DYNC2H1: variants seen among roughly 807,000 people sequenced by gnomAD.
DYNC2H1 encodes cytoplasmic dynein 2 heavy chain 1.
DYNC2H1 carries 410 observed loss-of-function variants against 570.0 expected under a neutral mutation model. The observed-to-expected ratio is 0.72, with a 90% confidence interval of 0.66 to 0.78. The LOEUF (loss-of-function observed/expected upper bound fraction) is 0.78. Ranked by LOEUF, DYNC2H1 falls within the 30% of genes least tolerant of loss-of-function variation. The probability of loss-of-function intolerance (pLI) is 0.00; values close to 1 mark genes in which losing one functional copy is unlikely to be tolerated. For synonymous variants in DYNC2H1, 1,688 were observed against 1,677.6 expected (o/e 1.01, Z -0.15); for missense variants, 4,865 against 5,046.4 (o/e 0.96, Z 1.09).
chr11:103,266,393 T>C (rs921844848), intron 70 of DYNC2H1, among the ~76,000 whole-genome samples: 3 of 152,058 alleles, frequency 2.0e-5, no homozygotes, highest in Admixed American at 6.5e-5. Flanking sequence ...GGTGGGTGCC[T>C]TCTCTGTGAC....
chr11:103,408,453 T>C (rs1942955234), intron 84 of DYNC2H1: 1 of 152,056 alleles, frequency 6.6e-6, no homozygotes, highest in African/African-American at 2.4e-5. Context: ...TTAAACCCTG[T>C]TCTCGGGTTG....
At chr11:103,406,528 G>A (rs1942870436) in intron 84 of DYNC2H1, 1 of 151,922 alleles carries the variant, frequency 6.6e-6, no homozygotes, top group Admixed American at 6.6e-5. Flanking sequence ...TGGGATTATA[G>A]GTGTTAACCA....
At chr11:103,171,101 A>T in intron 34 of DYNC2H1, 33 bp downstream of exon 34, 1 of 1,505,660 alleles carries the variant, frequency 6.6e-7, no homozygotes, top group Admixed American at 1.9e-5. Flanking sequence ...AAAGAATTAA[A>T]ATATTTTGTA....
At chr11:103,431,395 A>G (rs1035719229) in intron 84 of DYNC2H1, among the ~76,000 whole-genome samples, 1 of 152,014 alleles carries the variant, frequency 6.6e-6, no homozygotes, top group Non-Finnish European at 1.5e-5. Context: ...TGGTGCTGAT[A>G]TGGACTCTAG....
chr11:103,292,158 C>T (rs4291645), intron 75 of DYNC2H1, among the ~76,000 whole-genome samples: 20,818 of 145,416 alleles, frequency 0.14, 1,647 homozygotes, highest in Admixed American at 0.24. Context: ...TTCTTCTTCT[C>T]TTTTTTTTTT....
intron 17 of DYNC2H1, among the ~76,000 whole-genome samples, chr11:103,142,112 A>T (rs1318229204): frequency 6.6e-6 from 1 of 152,068 alleles, no homozygotes; most frequent in African/African-American, 2.4e-5. Flanking sequence ...GCCGTCTGTC[A>T]CCCCTTTCTT....
intron 82 of DYNC2H1, among the ~76,000 whole-genome samples, chr11:103,328,036 A>C (rs1339731293): frequency 6.6e-6 from 1 of 152,184 alleles, no homozygotes; most frequent in African/African-American, 2.4e-5. Context: ...TCCTGATTCA[A>C]CCCAGACTTC....
rs187436992 is a variant in DYNC2H1, at chr11:103,226,896, A to G, written c.9353+3810A>G. On this transcript the variant is annotated intron_variant, in intron 59 of 88. Coordinates refer to ENST00000375735, the MANE Select transcript of DYNC2H1 (RefSeq NM_001377.3). ...TTATTGGTCTGTTAAGAGGTTCTAT[A>G]TCTTCCTGGTTTAATCTAGGCGGGT... Among the ~76,000 whole-genome samples the G allele has an allele frequency of 3.2e-4, 49 of 152,212 alleles. 1 individual carries two copies. The highest frequency in any genetic ancestry group is 2.2e-3 in the Admixed American group (33 of 15,294).
rs1394501412 is a variant in DYNC2H1 at position 103,189,257 on chromosome 11, A to G, written c.7293-415A>G. On this transcript the variant is annotated intron_variant, in intron 44 of 88. Coordinates refer to ENST00000375735, the MANE Select transcript of DYNC2H1 (RefSeq NM_001377.3). The surrounding 1 kb of genome is among the most constrained non-coding windows in gnomAD (Gnocchi z 4.3). ...CCTGCTGCCAGTTAAACCATATTGA[A>G]ATACATTTTGGTTTGGGAGAAAGGG... Among the ~76,000 whole-genome samples, 2 of 151,992 alleles carry G rather than the reference A, an allele frequency of 1.3e-5. No individual in the cohort carries two copies. The highest frequency in any genetic ancestry group is 4.1e-4 in the South Asian group (2 of 4,826).
intron 45 of DYNC2H1, among the ~76,000 whole-genome samples, chr11:103,191,078 C>T (rs1337331158): frequency 1.3e-4 from 17 of 130,712 alleles, no homozygotes; most frequent in Non-Finnish European, 1.9e-4. Context: ...CTCGCTTTGT[C>T]GCCCAGGTTG....
chr11:103,171,590 T>G lies in DYNC2H1; in HGVS notation c.5334+522T>G, dbSNP rs193163942. On this transcript the variant is annotated intron_variant, in intron 34 of 88. Coordinates refer to ENST00000375735, the MANE Select transcript of DYNC2H1 (RefSeq NM_001377.3). ...TTTTAAACTTTCCATTTTGGATAAT[T>G]CAGTTATAATAATATTTATATTGTT... Among the ~76,000 whole-genome samples, 17 of 152,266 alleles carry G rather than the reference T, an allele frequency of 1.1e-4. No individual in the cohort carries two copies. The East Asian group carries it at 3.3e-3, about 29-fold the overall frequency.
intron 84 of DYNC2H1, among the ~76,000 whole-genome samples, chr11:103,400,184 A>T (rs1942580093): frequency 6.6e-6 from 1 of 152,162 alleles, no homozygotes; most frequent in Non-Finnish European, 1.5e-5. Flanking sequence ...TGAGTTTTAT[A>T]TTCCAAGCTC....
intron 70 of DYNC2H1, among the ~76,000 whole-genome samples, chr11:103,276,471 T>C (rs1591511992): frequency 6.6e-6 from 1 of 152,132 alleles, no homozygotes; most frequent in East Asian, 1.9e-4. Flanking sequence ...GGTTTGTGCT[T>C]AATAGATGGC....
chr11:103,462,754 TATATCTA>T (rs1945060828), intron 87 of DYNC2H1, among the ~76,000 whole-genome samples: 1 of 152,212 alleles, frequency 6.6e-6, no homozygotes, highest in African/African-American at 2.4e-5. Flanking sequence ...GAGCTTCTTG[TATATCTA>T]ATGTTTCAGT....
chr11:103,435,939 G>A lies in DYNC2H1; in HGVS notation c.12367-4G>A. 1 of 1,611,798 alleles carries A rather than the reference G, an allele frequency of 6.2e-7. No individual in the cohort carries two copies. The highest frequency in any genetic ancestry group is 8.5e-7 in the Non-Finnish European group (1 of 1,178,730). On this transcript the variant is annotated splice_polypyrimidine_tract_variant and splice_region_variant and intron_variant, in intron 84 of 88. Coordinates refer to ENST00000375735, the MANE Select transcript of DYNC2H1 (RefSeq NM_001377.3). The stretch of plus-strand genomic sequence containing the variant: ...ACTTAATTTTGACCCTTTTTAAATT[G>A]CAGTGTCCTCTCGCATGGCAGAGCA...
In DYNC2H1 at chr11:103,244,861, CAT is replaced by C. The variant is rs1390334812; in HGVS notation, c.9919-380_9919-379del. 1.3e-5 allele frequency among the ~76,000 whole-genome samples: 2 copies of C among 150,222 alleles called. No homozygotes were observed. The highest frequency in any genetic ancestry group is 4.9e-5 in the African/African-American group (2 of 41,014). On this transcript the variant is annotated intron_variant, in intron 64 of 88. Transcript: ENST00000375735. This position sits in a 1 kb window ranked among gnomAD's most constrained non-coding sequence, Gnocchi z 4.3. The stretch of plus-strand genomic sequence containing the variant: ...ACTTTTATATATATGTACACACACA[CAT>C]ATATATATACACACACATACCACAC...
At chr11:103,213,895 T>C (rs1194736412) in intron 54 of DYNC2H1, among the ~76,000 whole-genome samples, 1 of 152,208 alleles carries the variant, frequency 6.6e-6, no homozygotes, top group Non-Finnish European at 1.5e-5. Context: ...AACCATAAAA[T>C]ATTTGCCTAA....
intron 53 of DYNC2H1, among the ~76,000 whole-genome samples, chr11:103,210,219 G>A (rs1171172364): frequency 6.6e-6 from 1 of 151,870 alleles, no homozygotes; most frequent in African/African-American, 2.4e-5. Flanking sequence ...TCTGACCTGA[G>A]TGATTTGAAG....
intron 81 of DYNC2H1, among the ~76,000 whole-genome samples, chr11:103,321,606 A>G (rs963205957): frequency 6.6e-6 from 1 of 152,148 alleles, no homozygotes; most frequent in Non-Finnish European, 1.5e-5. Flanking sequence ...GAAGACAAAT[A>G]TTATTTAATA....
Sources: gnomAD v4.1 joint callset for allele counts (sites outside exome capture counted in the v4.1 genomes callset) on GRCh38, gnomAD v4.1.1 for gene constraint, Gnocchi (gnomAD v3.1) non-coding constraint, MANE v1.5 for transcripts, NCBI Gene and HGNC (gene_info 2026-07-23, HGNC 2026-07-21) for gene names.